The following MGAM variants were observed in gnomAD, a reference collection of about 807,000 sequenced individuals.
The protein encoded by MGAM is alpha-1,4-glucosidase.
MGAM carries 253 observed loss-of-function variants against 358.8 expected under a neutral mutation model. The observed-to-expected ratio is 0.71, with a 90% CI of 0.64 to 0.78. MGAM has a LOEUF of 0.78. Among genes scored for constraint, MGAM ranks in the 30% least tolerant of loss-of-function variants. MGAM has a pLI of 0.00. For synonymous variants in MGAM, 1,105 were observed against 1,227.1 expected, an observed-to-expected ratio of 0.90 and a Z score of 2.08; for missense variants, 3,080 against 3,432.6, an observed-to-expected ratio of 0.90 and a Z score of 2.57.
At chr7:142,000,987 A>G (rs1554450454) in intron 1 of MGAM, among the ~76,000 whole-genome samples, 2 of 152,236 alleles carry the variant, frequency 1.3e-5, no homozygotes, top group East Asian at 1.9e-4. Context: ...AAGAGGAGGC[A>G]TGGTCACTTG....
chr7:142,040,225 A>G (rs1808384771), intron 20 of MGAM, 54 bp downstream of exon 20: 2 of 1,365,614 alleles, frequency 1.5e-6, no homozygotes, highest in Non-Finnish European at 2.1e-6. Flanking sequence ...GCAGCTGCAT[A>G]GACAAGCTAC....
intron 12 of MGAM, 61 bp downstream of exon 12, chr7:142,030,818 CTGTGTGTGTGTG>C: frequency 6.4e-6 from 5 of 784,312 alleles, no homozygotes; most frequent in Non-Finnish European, 1.1e-5. Context: ...TTGAATGTGT[CTGTGTGTGTGTG>C]TGTGTGTGTG....
chr7:142,040,960 C>T (rs1314087904), intron 21 of MGAM, 114 bp downstream of exon 21: 1 of 1,296,250 alleles, frequency 7.7e-7, no homozygotes, highest in Non-Finnish European at 1.0e-6. Flanking sequence ...TTGGCCACGA[C>T]TGTTGCAGTT....
rs1434703955 is a variant in MGAM at position 142,085,890 on chromosome 7, C to T, written c.6565C>T (p.Pro2189Ser). ...GCGGCAGCTGGACTTCACCCTCAGC[C>T]CCAAGTTTGCCGGGTTTCCAGCTCT... Reference protein sequence around the residue: ...MERQLDFTLSPKFAGFPALIN... With the variant: ...MERQLDFTLSSKFAGFPALIN... Residue 2189 changes from proline (P) to serine (S), a missense_variant, in exon 55 of 71, where the codon CCC becomes TCC. Pro to Ser is a moderately conservative substitution (Grantham distance 74, BLOSUM62 -1). Coordinates refer to ENST00000475668, the MANE Select transcript of MGAM (RefSeq NM_001365693.1). The T allele has an allele frequency of 6.4e-7, 1 of 1,566,078 alleles. No individual in the cohort carries two copies. Among genetic ancestry groups the T allele is most frequent in the South Asian group, 1.1e-5 (1 of 89,350 alleles).
intron 37 of MGAM, among the ~76,000 whole-genome samples, 184 bp downstream of exon 37, chr7:142,064,706 T>G (rs1309443387): frequency 9.9e-5 from 15 of 152,114 alleles, no homozygotes; most frequent in Non-Finnish European, 1.5e-4. Context: ...TGATTAAAAG[T>G]AGGAGGACAG....
chr7:142,082,639 G>T, intron 52 of MGAM, 68 bp downstream of exon 52: 1 of 1,231,600 alleles, frequency 8.1e-7, no homozygotes, highest in East Asian at 2.6e-5. Context: ...TTTAGAATGT[G>T]TTTAGCCTAA....
chr7:142,099,805 A>C, intron 67 of MGAM, 68 bp downstream of exon 67: 1 of 1,578,794 alleles, frequency 6.3e-7, no homozygotes, highest in South Asian at 1.1e-5. Flanking sequence ...GAAGTCCACC[A>C]AAATGTAAGC....
At chr7:142,024,465 A>G (rs10267188) in intron 7 of MGAM, among the ~76,000 whole-genome samples, 7,501 of 152,138 alleles carry the variant, frequency 0.049, 418 homozygotes, top group African/African-American at 0.13. Context: ...TGTAGTTTGC[A>G]GATACACCAA....
At chr7:141,998,705 T>C (rs1453368334) in intron 1 of MGAM, among the ~76,000 whole-genome samples, 7 of 152,218 alleles carry the variant, frequency 4.6e-5, no homozygotes, top group Non-Finnish European at 8.8e-5. Context: ...TAAATAGTGC[T>C]GCAGTAAACA....
intron 21 of MGAM, among the ~76,000 whole-genome samples, chr7:142,041,838 C>A (rs1476816814): frequency 7.9e-6 from 1 of 126,904 alleles, no homozygotes; most frequent in African/African-American, 2.9e-5. Context: ...GGAAGCACTG[C>A]CACTTTCAAG....
Position 142,088,739 on chromosome 7 carries a change from GTCTGTCTGTCTATCTATCTA to G in MGAM, c.6810+2026_6810+2045del, listed in dbSNP as rs1225582902. 4.0e-3 allele frequency among the ~76,000 whole-genome samples: 413 copies of G among 102,520 alleles called. 9 individuals carry two copies. Among genetic ancestry groups the G allele is most frequent in the African/African-American group, 0.012 (289 of 24,642 alleles). 67.3% of individuals were successfully genotyped at this position (102,520 alleles called of 152,430 possible). A position where few individuals can be genotyped will look rare whatever the true frequency, so the allele number is the denominator to read the frequency against. ...TTCATTTATGTCTGTCTGTCTGTCT[GTCTGTCTGTCTATCTATCTA>G]TCTATCTATCTATCTATCTATCTAT... is the stretch of plus-strand genomic sequence containing the variant. On this transcript the variant is annotated intron_variant, in intron 57 of 70. Transcript: ENST00000475668.
chr7:141,992,935 C>T (rs868940842), upstream of MGAM, among the ~76,000 whole-genome samples: 1 of 152,182 alleles, frequency 6.6e-6, no homozygotes, highest in Non-Finnish European at 1.5e-5. Flanking sequence ...CCTTTCTTTC[C>T]TCTTTTAGCT....
At chr7:142,083,510 A>G (rs1304042059) in intron 53 of MGAM, 97 bp downstream of exon 53, 1 of 863,808 alleles carries the variant, frequency 1.2e-6, no homozygotes, top group African/African-American at 1.6e-5. Context: ...GATAACTGGA[A>G]TTATTGGTAT....
At chr7:142,042,582 T>A (rs1411009302) in intron 21 of MGAM, among the ~76,000 whole-genome samples, 1 of 14,362 alleles carries the variant, frequency 7.0e-5, no homozygotes, top group African/African-American at 2.3e-4. Context: ...TAATATATAT[T>A]ATATATACAT....
intron 2 of MGAM, among the ~76,000 whole-genome samples, chr7:141,989,120 G>A (rs1803827942): frequency 6.6e-6 from 1 of 151,948 alleles, no homozygotes; most frequent in Non-Finnish European, 1.5e-5. Flanking sequence ...ATGAGTATGT[G>A]AGAGAAAGAG....
intron 18 of MGAM, among the ~76,000 whole-genome samples, 186 bp downstream of exon 18, chr7:142,037,163 G>C (rs1808068473): frequency 1.3e-5 from 2 of 152,140 alleles, no homozygotes; most frequent in African/African-American, 2.4e-5. Flanking sequence ...GGAATACCTA[G>C]TTGGTATTTG....
intron 57 of MGAM, among the ~76,000 whole-genome samples, chr7:142,088,996 G>GTATGTATCTATC (rs771119657): frequency 0.025 from 2,948 of 117,922 alleles, 158 homozygotes; most frequent in African/African-American, 0.056. Flanking sequence ...ATGTATGTAT[G>GTATGTATCTATC]TATCTATCTA....
rs1811196521 is a variant in MGAM, at chr7:142,053,345, T to G, written c.3159+361T>G. ...GTTGAGAAAGTTGGGTTACAGGATC[T>G]AGTGCTCAATTGCAAGCAGGTGACA... On this transcript the variant is annotated intron_variant, in intron 26 of 70. Coordinates refer to ENST00000475668, the MANE Select transcript of MGAM (RefSeq NM_001365693.1). Among the ~76,000 whole-genome samples, 5 of 152,082 alleles carry G rather than the reference T, an allele frequency of 3.3e-5. No homozygotes were observed. In the South Asian group the frequency reaches 1.0e-3, roughly 32 times the overall value.
At chr7:141,990,699 A>G (rs1055200888) in intron 2 of MGAM, among the ~76,000 whole-genome samples, 1 of 150,698 alleles carries the variant, frequency 6.6e-6, no homozygotes, top group Non-Finnish European at 1.5e-5. Flanking sequence ...TTATTATTAT[A>G]CTTTAAGTTT....
Sources: gnomAD v4.1 joint callset for allele counts (sites outside exome capture counted in the v4.1 genomes callset) on GRCh38, gnomAD v4.1.1 for gene constraint, MANE v1.5 for transcripts, NCBI Gene and HGNC (gene_info 2026-07-23, HGNC 2026-07-21) for gene names.